Variants in ALK observed in about 807,000 individuals in gnomAD.
The protein encoded by ALK is ALK receptor tyrosine kinase.
In ALK, 74 loss-of-function variants were observed where a neutral mutation model predicts 163.1. That is an observed-to-expected ratio of 0.45 (90% confidence interval 0.38 to 0.55). ALK has a LOEUF of 0.55. Among genes scored for constraint, ALK ranks in the 20% least tolerant of loss-of-function variants. The pLI, the probability that ALK is intolerant of heterozygous loss-of-function variation, is 0.00. For missense variants in ALK, 2,063 were observed against 2,105.3 expected (o/e 0.98, Z 0.39); for synonymous variants, 960 against 843.2 (o/e 1.14, Z -2.40).
intron 3 of ALK, among the ~76,000 whole-genome samples, chr2:29,558,990 C>A (rs142736007): frequency 8.0e-4 from 122 of 152,230 alleles, no homozygotes; most frequent in African/African-American, 2.6e-3. Flanking sequence ...ATATACACTC[C>A]TATAAACATG....
At chr2:29,481,639 ATCATCACTAAAGTCTTT>A (rs1671661374) in intron 4 of ALK, among the ~76,000 whole-genome samples, 1 of 152,236 alleles carries the variant, frequency 6.6e-6, no homozygotes, top group African/African-American at 2.4e-5. Context: ...TGTTGAACAC[ATCATCACTAAAGTCTTT>A]TCAGTTTTAA....
intron 14 of ALK, 49 bp from the exon 15 acceptor site, chr2:29,232,497 C>T (rs749485490): frequency 2.5e-6 from 4 of 1,612,228 alleles, no homozygotes; most frequent in Non-Finnish European, 3.4e-6. Flanking sequence ...TGTGCTTCCC[C>T]CTGGAGCCCC....
chr2:29,258,957 G>T (rs1034424705), intron 11 of ALK, among the ~76,000 whole-genome samples: 2 of 152,086 alleles, frequency 1.3e-5, no homozygotes, highest in Non-Finnish European at 2.9e-5. Context: ...ATGCATATAT[G>T]TATATCAGTA....
chr2:29,432,110 T>A (rs1670286370), intron 4 of ALK, among the ~76,000 whole-genome samples: 1 of 152,152 alleles, frequency 6.6e-6, no homozygotes, highest in Admixed American at 6.5e-5. Flanking sequence ...CTCTCTCTGA[T>A]AACTATTTCT....
chr2:29,664,438 T>C (rs1472789495), intron 3 of ALK, among the ~76,000 whole-genome samples: 1 of 152,054 alleles, frequency 6.6e-6, no homozygotes, highest in African/African-American at 2.4e-5. Flanking sequence ...CCACTTCCAT[T>C]TGGGAGTAGG....
intron 1 of ALK, among the ~76,000 whole-genome samples, chr2:29,909,282 C>A (rs1251971961): frequency 3.3e-5 from 5 of 152,204 alleles, no homozygotes; most frequent in Non-Finnish European, 7.3e-5. Context: ...GGCCCTAGCA[C>A]TGTTCTGATT....
chr2:29,325,562 T>C (rs528577882), intron 6 of ALK, among the ~76,000 whole-genome samples: 1 of 152,268 alleles, frequency 6.6e-6, no homozygotes, highest in East Asian at 1.9e-4. Flanking sequence ...GGCCCCTTCA[T>C]CCTGGGTGTG....
At chr2:29,473,493 T>A (rs1452900529) in intron 4 of ALK, among the ~76,000 whole-genome samples, 1 of 152,146 alleles carries the variant, frequency 6.6e-6, no homozygotes, top group Admixed American at 6.5e-5. Flanking sequence ...AATGTATACA[T>A]CTTAAGGACT....
chr2:29,333,643 A>T (rs1431228182), intron 5 of ALK, among the ~76,000 whole-genome samples: 1 of 152,170 alleles, frequency 6.6e-6, no homozygotes, highest in Non-Finnish European at 1.5e-5. Flanking sequence ...TTTCTGAGAC[A>T]GGGTCTCTGT....
At chr2:29,314,892 T>C (rs1168903933) in intron 8 of ALK, among the ~76,000 whole-genome samples, 1 of 152,090 alleles carries the variant, frequency 6.6e-6, no homozygotes, top group Non-Finnish European at 1.5e-5. Context: ...TACCAGCGGC[T>C]GCAATGCCAG....
chr2:29,221,885 T>C (rs1374758387), intron 22 of ALK, among the ~76,000 whole-genome samples: 1 of 152,198 alleles, frequency 6.6e-6, no homozygotes, highest in Admixed American at 6.5e-5. Context: ...AATCCAGATC[T>C]TGGAGCCTCA....
At chr2:29,628,393 T>A (rs1346347304) in intron 3 of ALK, among the ~76,000 whole-genome samples, 4 of 152,216 alleles carry the variant, frequency 2.6e-5, no homozygotes, top group East Asian at 1.9e-4. Flanking sequence ...TTCACTCTAC[T>A]GCATTTTTTT....
At chr2:29,713,815 G>A (rs1371669387) in intron 2 of ALK, among the ~76,000 whole-genome samples, 3 of 150,708 alleles carry the variant, frequency 2.0e-5, no homozygotes, top group African/African-American at 7.3e-5. Flanking sequence ...AAAAGTGGGT[G>A]AAAAAGAGTT....
chr2:29,203,485 CTTTTTTTT>C lies in ALK; in HGVS notation c.3938+3678_3938+3685del, dbSNP rs1156462365. Reference sequence around the variant, plus strand: ...TATCACCATTGGCCTGAGGATGTGCCTTTTTTTTTTTTTTTTTTTTTTTTTTTGTGAGA... The same window carrying C: ...TATCACCATTGGCCTGAGGATGTGCCTTTTTTTTTTTTTTTTTTTGTGAGA... On this transcript the variant is annotated intron_variant, in intron 26 of 28. Transcript: ENST00000389048. Among the ~76,000 whole-genome samples the C allele has an allele frequency of 1.5e-3, 50 of 32,548 alleles. 1 individual carries two copies. Among genetic ancestry groups the C allele is most frequent in the Admixed American group, 3.4e-3 (5 of 1,456 alleles). The allele number at this position is 32,548 out of a possible 152,430, so 21.4% of individuals were successfully genotyped here.
At chr2:29,577,666 C>T (rs1194331741) in intron 3 of ALK, among the ~76,000 whole-genome samples, 1 of 152,194 alleles carries the variant, frequency 6.6e-6, no homozygotes. Flanking sequence ...CAACCTCCCC[C>T]AGCTCTGCAA....
At chr2:29,655,518 G>A (rs909282063) in intron 3 of ALK, among the ~76,000 whole-genome samples, 20 of 152,118 alleles carry the variant, frequency 1.3e-4, no homozygotes, top group Non-Finnish European at 2.2e-4. Context: ...CATGAGGAAC[G>A]CATTCAGTCC....
chr2:29,462,497 C>T (rs978167274), intron 4 of ALK, among the ~76,000 whole-genome samples: 36 of 152,140 alleles, frequency 2.4e-4, no homozygotes, highest in African/African-American at 8.0e-4. Flanking sequence ...AGACCTGCCA[C>T]GAGCTAAGAG....
intron 1 of ALK, among the ~76,000 whole-genome samples, chr2:29,919,661 G>A (rs1667931790): frequency 6.6e-6 from 1 of 152,164 alleles, no homozygotes; most frequent in Non-Finnish European, 1.5e-5. Flanking sequence ...GGAAGTAATC[G>A]GGGCATTTCA....
At chr2:29,531,731 A>C (rs184637983) in intron 4 of ALK, among the ~76,000 whole-genome samples, 184 bp downstream of exon 4, 2 of 152,304 alleles carry the variant, frequency 1.3e-5, no homozygotes, top group African/African-American at 4.8e-5. Context: ...GGGAAGTCAG[A>C]GGGACCCACA....
Sources: allele counts gnomAD v4.1 joint callset (sites outside exome capture counted in the v4.1 genomes callset), GRCh38; gene constraint gnomAD v4.1.1; transcripts MANE v1.5; gene names NCBI Gene and HGNC (gene_info 2026-07-23, HGNC 2026-07-21).